The following QPCT variants were observed in gnomAD, a reference collection of about 807,000 sequenced individuals.
QPCT encodes EC.
A neutral mutation model predicts 43.4 loss-of-function variants in QPCT; 44 were observed. The ratio of observed to expected loss-of-function variants is 1.01; its 90% CI spans 0.80 to 1.30. The LOEUF (loss-of-function observed/expected upper bound fraction) is 1.30. Ranked by LOEUF, QPCT falls within the 50% of genes most tolerant of loss-of-function variation. The probability of loss-of-function intolerance (pLI) is 0.00; values close to 1 mark genes in which losing one functional copy is unlikely to be tolerated. For missense variants in QPCT, 526 were observed against 436.5 expected, an observed-to-expected ratio of 1.21 and a Z score of -1.83; for synonymous variants, 168 against 168.4, an observed-to-expected ratio of 1.00 and a Z score of 0.02.
At chr2:37,348,317 T>G (rs1042229950) in intron 1 of QPCT, among the ~76,000 whole-genome samples, 3 of 152,156 alleles carry the variant, frequency 2.0e-5, no homozygotes, top group Admixed American at 6.5e-5. Context: ...CTGTTGTGGT[T>G]AAAGCCCGCA....
chr2:37,349,746 C>T (rs777756634), intron 1 of QPCT, among the ~76,000 whole-genome samples: 1 of 152,182 alleles, frequency 6.6e-6, no homozygotes, highest in Non-Finnish European at 1.5e-5. Flanking sequence ...ACAGCACTTC[C>T]TGGCCATTGC....
At chr2:37,359,123 T>C (rs1489763139) in intron 2 of QPCT, among the ~76,000 whole-genome samples, 4 of 152,230 alleles carry the variant, frequency 2.6e-5, no homozygotes, top group Non-Finnish European at 5.9e-5. Context: ...CTCTGTCTCC[T>C]GACTTGTAGA....
intron 1 of QPCT, 56 bp from the exon 2 acceptor site, chr2:37,352,733 A>C: frequency 6.4e-7 from 1 of 1,567,846 alleles, no homozygotes; most frequent in Non-Finnish European, 8.7e-7. Flanking sequence ...AACATGTCAG[A>C]GTCTTAAACA....
At chr2:37,364,992 G>A (rs996154235) in intron 3 of QPCT, among the ~76,000 whole-genome samples, 10 of 142,552 alleles carry the variant, frequency 7.0e-5, no homozygotes, top group Non-Finnish European at 8.9e-5. Flanking sequence ...CTAAGGCTCC[G>A]CCTCTACAAT....
chr2:37,368,909 C>G (rs1673018310), intron 4 of QPCT, among the ~76,000 whole-genome samples: 1 of 152,066 alleles, frequency 6.6e-6, no homozygotes, highest in Admixed American at 6.6e-5. Flanking sequence ...TCAAAGAAGC[C>G]TATTTTTTCC....
At chr2:37,345,832 T>C (rs1486873686) in intron 1 of QPCT, among the ~76,000 whole-genome samples, 10 of 121,554 alleles carry the variant, frequency 8.2e-5, no homozygotes, top group African/African-American at 1.8e-4. Context: ...CGAGACTCCG[T>C]CTCAAAAAAA....
intron 2 of QPCT, among the ~76,000 whole-genome samples, chr2:37,355,902 G>A (rs1211257795): frequency 6.6e-6 from 1 of 152,120 alleles, no homozygotes; most frequent in Non-Finnish European, 1.5e-5. Flanking sequence ...GAAACTGAAT[G>A]TCATCAGGTA....
chr2:37,350,984 G>C (rs1007818011), intron 1 of QPCT, among the ~76,000 whole-genome samples: 1 of 152,214 alleles, frequency 6.6e-6, no homozygotes, highest in Non-Finnish European at 1.5e-5. Flanking sequence ...GCTGAGTTGA[G>C]AGGCTGAGTT....
chr2:37,349,735 C>G (rs756624805), intron 1 of QPCT, among the ~76,000 whole-genome samples: 2 of 152,174 alleles, frequency 1.3e-5, no homozygotes, highest in Non-Finnish European at 2.9e-5. Flanking sequence ...AACATTGAAC[C>G]ACAGCACTTC....
chr2:37,367,770 A>G (rs938507020), intron 4 of QPCT, among the ~76,000 whole-genome samples: 5 of 151,982 alleles, frequency 3.3e-5, no homozygotes, highest in African/African-American at 9.7e-5. Flanking sequence ...TCAAGAGGCT[A>G]AGGCAGGAGG....
intron 4 of QPCT, among the ~76,000 whole-genome samples, chr2:37,367,685 A>T (rs1290662452): frequency 6.6e-6 from 1 of 151,930 alleles, no homozygotes; most frequent in East Asian, 1.9e-4. Flanking sequence ...CAGACTGGGC[A>T]ACATAAGGGG....
chr2:37,355,497 T>A (rs1262856739), intron 2 of QPCT, among the ~76,000 whole-genome samples: 1 of 152,050 alleles, frequency 6.6e-6, no homozygotes, highest in Non-Finnish European at 1.5e-5. Flanking sequence ...TAAAAAAGGG[T>A]AAACTTGATA....
rs1188864160 is a variant in QPCT, at chr2:37,358,270, C to CA, written c.268-1303dup. Among the ~76,000 whole-genome samples, 5 of 151,904 alleles carry CA rather than the reference C, an allele frequency of 3.3e-5. No homozygotes were observed. In the East Asian group the frequency reaches 9.7e-4, roughly 29 times the overall value. On this transcript the variant is annotated intron_variant, in intron 2 of 6. Transcript: ENST00000338415. ...TCTACAAAAAACCAAAAAAACAAAA[C>CA]AAAAAAACCCACAAAAGTTAGTCAG... is the stretch of plus-strand genomic sequence containing the variant.
chr2:37,348,702 A>G (rs1290042044), intron 1 of QPCT, among the ~76,000 whole-genome samples: 1 of 152,212 alleles, frequency 6.6e-6, no homozygotes, highest in African/African-American at 2.4e-5. Flanking sequence ...TATCTGGTTC[A>G]CACTTTTGGC....
chr2:37,345,188 AC>A, intron 1 of QPCT, among the ~76,000 whole-genome samples: 1 of 152,130 alleles, frequency 6.6e-6, no homozygotes, highest in African/African-American at 2.4e-5. Context: ...TCGCGGCGCC[AC>A]CCCCCACTCG....
At chr2:37,366,454 G>A (rs1026623957) in intron 3 of QPCT, among the ~76,000 whole-genome samples, 4 of 152,174 alleles carry the variant, frequency 2.6e-5, no homozygotes, top group Non-Finnish European at 5.9e-5. Flanking sequence ...CTAAAGTATA[G>A]GCTATTTCAA....
rs1411776943 is a variant in QPCT at position 37,347,153 on chromosome 2, T to TATATATATATATATATATATATATATATC, written c.120+2313_120+2314insTATATATATATATATATCATATATATATA. The stretch of plus-strand genomic sequence containing the variant: ...CTGGGTATGGGGTGTTTTATATATA[T>TATATATATATATATATATATATATATATC]ATATATATATAACATATATATATAT... On this transcript the variant is annotated intron_variant, in intron 1 of 6. Transcript: ENST00000338415. 5.1e-4 allele frequency among the ~76,000 whole-genome samples: 29 copies of TATATATATATATATATATATATATATATC among 57,112 alleles called. 4 individuals carry two copies. The East Asian group carries it at 6.1e-3, about 12-fold the overall frequency. The allele number at this position is 57,112 out of a possible 152,430, so 37.5% of individuals were successfully genotyped here.
chr2:37,345,597 A>G (rs1227946972), intron 1 of QPCT, among the ~76,000 whole-genome samples: 1 of 152,146 alleles, frequency 6.6e-6, no homozygotes, highest in Non-Finnish European at 1.5e-5. Flanking sequence ...GCACTTTGGG[A>G]GGCCGAGGCG....
chr2:37,345,855 A>G (rs889575018), intron 1 of QPCT, among the ~76,000 whole-genome samples: 1 of 151,024 alleles, frequency 6.6e-6, no homozygotes, highest in Non-Finnish European at 1.5e-5. Flanking sequence ...AAAAAAAAAA[A>G]GAAGTATATG....
Sources: gnomAD v4.1 joint callset for allele counts (sites outside exome capture counted in the v4.1 genomes callset) on GRCh38, gnomAD v4.1.1 for gene constraint, MANE v1.5 for transcripts, NCBI Gene and HGNC (gene_info 2026-07-23, HGNC 2026-07-21) for gene names.